The following EPHX4 variants were observed in gnomAD, a reference collection of about 807,000 sequenced individuals.
EPHX4 encodes abhydrolase domain containing 7.
EPHX4 carries 31 observed loss-of-function variants against 44.9 expected under a neutral mutation model. The observed-to-expected ratio is 0.69, with a 90% confidence interval of 0.52 to 0.93. The LOEUF is 0.93. Among genes scored for constraint, EPHX4 ranks in the 40% least tolerant of loss-of-function variants. EPHX4 has a pLI of 0.00. For missense variants in EPHX4, 373 were observed against 438.1 expected, an observed-to-expected ratio of 0.85 and a Z score of 1.33; for synonymous variants, 151 against 159.7, an observed-to-expected ratio of 0.95 and a Z score of 0.41.
At chr1:92,054,883 T>C (rs1647329516) in intron 6 of EPHX4, among the ~76,000 whole-genome samples, 1 of 152,050 alleles carries the variant, frequency 6.6e-6, no homozygotes, top group Non-Finnish European at 1.5e-5. Context: ...AATTGAAAGA[T>C]AAATCCCCCC....
Position 92,063,326 on chromosome 1 carries a change from C to T in EPHX4, c.*40C>T. ...CTATGAAGGGTCTGTAATGAAATCT[C>T]TAAATAATTTTTAAAAATTGTTCAT... On this transcript the variant is annotated 3_prime_UTR_variant, in exon 7 of 7. Transcript: ENST00000370383. 1.4e-6 allele frequency: 2 copies of T among 1,382,900 alleles called. No individual in the cohort carries two copies. Among genetic ancestry groups the T allele is most frequent in the Non-Finnish European group, 1.9e-6 (2 of 1,042,798 alleles). The allele number at this position is 1,382,900 out of a possible 1,614,324, so 85.7% of individuals were successfully genotyped here. A position where few individuals can be genotyped will look rare whatever the true frequency, so the allele number is the denominator to read the frequency against.
At chr1:92,037,884 T>C (rs553364825) in intron 2 of EPHX4, among the ~76,000 whole-genome samples, 1 of 152,364 alleles carries the variant, frequency 6.6e-6, no homozygotes, top group South Asian at 2.1e-4. Flanking sequence ...GTAATGTGTT[T>C]CATTCCTGTA....
intron 6 of EPHX4, among the ~76,000 whole-genome samples, chr1:92,058,015 C>T (rs554508100): frequency 6.6e-5 from 10 of 152,236 alleles, no homozygotes; most frequent in Admixed American, 6.5e-4. Context: ...CACACCAAAA[C>T]AAGGATTGAA....
rs765629770 is a variant in EPHX4 at position 92,052,574 on chromosome 1, C to T, written c.773C>T (p.Thr258Ile). ...GGAAGAAAAGGATGCCAATTAACAA[C>T]AGAGGATCTTGAAGCTTATATTTAT... The part of the protein sequence containing the change: ...GIGRKGCQLT[T>I]EDLEAYIYVF... Residue 258 changes from threonine (T) to isoleucine (I), a missense_variant, in exon 6 of 7, where the codon ACA becomes ATA. Coordinates refer to ENST00000370383, the MANE Select transcript of EPHX4 (RefSeq NM_173567.5). The T allele has an allele frequency of 3.7e-6, 6 of 1,612,968 alleles. No homozygotes were observed. The East Asian group carries it at 8.9e-5, about 24-fold the overall frequency.
chr1:92,042,572 T>A (rs1688522842), intron 2 of EPHX4, among the ~76,000 whole-genome samples: 1 of 151,532 alleles, frequency 6.6e-6, no homozygotes, highest in African/African-American at 2.4e-5. Flanking sequence ...AAAAATTTTT[T>A]TAATTAGCTG....
At chr1:92,060,298 C>T (rs996977917) in intron 6 of EPHX4, among the ~76,000 whole-genome samples, 1 of 151,438 alleles carries the variant, frequency 6.6e-6, no homozygotes, top group Non-Finnish European at 1.5e-5. Flanking sequence ...TCTGCAGTCC[C>T]AGCTACTCAG....
chr1:92,055,322 A>G (rs550878070), intron 6 of EPHX4, among the ~76,000 whole-genome samples: 55 of 152,344 alleles, frequency 3.6e-4, no homozygotes, highest in African/African-American at 1.2e-3. Flanking sequence ...CAAGGACACA[A>G]AATGGTTGAA....
At chr1:92,046,152 A>T (rs956351276) in intron 4 of EPHX4, among the ~76,000 whole-genome samples, 1 of 152,230 alleles carries the variant, frequency 6.6e-6, no homozygotes, top group East Asian at 1.9e-4. Context: ...ATAGAAATTT[A>T]AAAATATTTA....
chr1:92,058,079 C>G (rs1401586670), intron 6 of EPHX4, among the ~76,000 whole-genome samples: 1 of 152,072 alleles, frequency 6.6e-6, no homozygotes, highest in Non-Finnish European at 1.5e-5. Flanking sequence ...TCCACACATT[C>G]AAAATAAAAT....
rs150007815 is a variant in EPHX4, at chr1:92,051,855, T to C, written c.709-655T>C. Reference sequence around the variant, plus strand: ...ATTAGGGTATGAAAAATGGTTATTTTCTAATTTTATAATTCTTTCTGCTTT... The same window carrying C: ...ATTAGGGTATGAAAAATGGTTATTTCCTAATTTTATAATTCTTTCTGCTTT... On this transcript the variant is annotated intron_variant, in intron 5 of 6. Transcript: ENST00000370383. Among the ~76,000 whole-genome samples the C allele has an allele frequency of 9.8e-5, 15 of 152,366 alleles. No homozygotes were observed. The East Asian group carries it at 1.9e-3, about 20-fold the overall frequency.
chr1:92,059,800 T>A (rs1647449187), intron 6 of EPHX4, among the ~76,000 whole-genome samples: 2 of 152,196 alleles, frequency 1.3e-5, no homozygotes, highest in Admixed American at 1.3e-4. Context: ...CAAAATTTAT[T>A]CTAAGACATT....
At chr1:92,044,117 T>A (rs1302664426) in intron 3 of EPHX4, among the ~76,000 whole-genome samples, 1 of 152,168 alleles carries the variant, frequency 6.6e-6, no homozygotes, top group Non-Finnish European at 1.5e-5. Context: ...AGTATGTTAA[T>A]GGAAGCAATA....
At position 92,045,538 on chromosome 1, in the gene EPHX4, G is replaced by A. The variant is rs747885567; in HGVS notation, c.482G>A (p.Ser161Asn). The A allele has an allele frequency of 1.2e-6, 2 of 1,613,812 alleles. No individual in the cohort carries two copies. Among genetic ancestry groups the A allele is most frequent in the East Asian group, 2.2e-5 (1 of 44,870 alleles). ...IKDILDSLGY[S>N]KCVLIGHDWG... ...ATTTATTTCTTGTTTACAGGGTATA[G>A]CAAATGTGTTCTTATTGGCCATGAC... Residue 161 changes from serine (S) to asparagine (N), a missense_variant, in exon 4 of 7, where the codon AGC (serine) becomes AAC (asparagine). Transcript: ENST00000370383.
rs1688533786 is a variant in EPHX4 at position 92,043,118 on chromosome 1, A to G, written c.475+138A>G. The G allele has an allele frequency of 9.3e-6, 6 of 647,726 alleles. No homozygotes were observed. In the East Asian group the frequency reaches 1.7e-4, roughly 19 times the overall value. 40.1% of individuals were successfully genotyped at this position (647,726 alleles called of 1,614,324 possible). A position where few individuals can be genotyped will look rare whatever the true frequency, so the allele number is the denominator to read the frequency against. On this transcript the variant is annotated intron_variant, in intron 3 of 6. Transcript: ENST00000370383. Reference sequence around the variant, plus strand: ...GGATCCTGTCACTATGGTTTCAGTTAGTCAGCCCAAAATATCTGTACAGGA... The same window carrying G: ...GGATCCTGTCACTATGGTTTCAGTTGGTCAGCCCAAAATATCTGTACAGGA...
chr1:92,061,797 A>G (rs1179878413), intron 6 of EPHX4, among the ~76,000 whole-genome samples: 1 of 152,252 alleles, frequency 6.6e-6, no homozygotes. Context: ...AATTGTCTAT[A>G]TTGCATTATA....
chr1:92,054,741 GA>G (rs1277279718), intron 6 of EPHX4, among the ~76,000 whole-genome samples: 1 of 151,828 alleles, frequency 6.6e-6, no homozygotes, highest in Non-Finnish European at 1.5e-5. Context: ...TATGAGAAAA[GA>G]ATAAGGTAAT....
At chr1:92,046,130 T>C (rs1370570157) in intron 4 of EPHX4, among the ~76,000 whole-genome samples, 2 of 152,176 alleles carry the variant, frequency 1.3e-5, no homozygotes, top group South Asian at 2.1e-4. Flanking sequence ...ATTCACTGTA[T>C]TGGAAATTAA....
At chr1:92,051,281 T>C (rs1207670202) in intron 5 of EPHX4, among the ~76,000 whole-genome samples, 4 of 151,982 alleles carry the variant, frequency 2.6e-5, no homozygotes, top group Admixed American at 1.3e-4. Context: ...CTATCAAACC[T>C]AACAGAATAA....
chr1:92,031,136 C>A (rs759826155), intron 1 of EPHX4, among the ~76,000 whole-genome samples: 3 of 152,150 alleles, frequency 2.0e-5, no homozygotes, highest in Non-Finnish European at 4.4e-5. Flanking sequence ...AGCTGAAGTT[C>A]AGAAGGGCAA....
Sources: gnomAD v4.1 joint callset for allele counts (sites outside exome capture counted in the v4.1 genomes callset) on GRCh38, gnomAD v4.1.1 for gene constraint, MANE v1.5 for transcripts, NCBI Gene and HGNC (gene_info 2026-07-23, HGNC 2026-07-21) for gene names.